Variants in GPC6 observed in about 807,000 individuals in gnomAD.
GPC6 encodes glypican 6, also known as glypican-6.
In GPC6, 14 loss-of-function variants were observed where a neutral mutation model predicts 55.2. The ratio of observed to expected loss-of-function variants is 0.25; its 90% CI spans 0.17 to 0.40. The LOEUF is 0.40. Ranked by LOEUF, GPC6 falls within the 10% of genes least tolerant of loss-of-function variation. The pLI, the probability that GPC6 is intolerant of heterozygous loss-of-function variation, is 1.00. For synonymous variants in GPC6, 278 were observed against 259.6 expected (o/e 1.07, Z -0.68); for missense variants, 641 against 708.5 (o/e 0.90, Z 1.08).
intron 2 of GPC6, among the ~76,000 whole-genome samples, chr13:93,739,345 G>C (rs377379047): frequency 1.8e-4 from 28 of 151,910 alleles, no homozygotes; most frequent in African/African-American, 6.8e-4. Flanking sequence ...CATTTTTCCT[G>C]TATGTATTAA....
chr13:93,574,511 G>C (rs575388977), intron 2 of GPC6, among the ~76,000 whole-genome samples: 1 of 152,178 alleles, frequency 6.6e-6, no homozygotes, highest in African/African-American at 2.4e-5. Flanking sequence ...TGAACTGTGA[G>C]GCAATAAATT....
At chr13:93,655,832 T>C (rs1880638334) in intron 2 of GPC6, among the ~76,000 whole-genome samples, 1 of 152,172 alleles carries the variant, frequency 6.6e-6, no homozygotes, top group African/African-American at 2.4e-5. Context: ...TTGGTTATCG[T>C]TTTACAGCAC....
chr13:93,776,988 T>C (rs899658120), intron 2 of GPC6, among the ~76,000 whole-genome samples: 3 of 152,196 alleles, frequency 2.0e-5, no homozygotes, highest in African/African-American at 7.2e-5. Flanking sequence ...CAGATTTCCT[T>C]ATCCATAGAG....
intron 1 of GPC6, among the ~76,000 whole-genome samples, chr13:93,513,184 C>T (rs1881049263): frequency 6.6e-6 from 1 of 152,286 alleles, no homozygotes; most frequent in Middle Eastern, 3.4e-3. Context: ...GTAAGATGAA[C>T]ACTTTGTGTA....
intron 4 of GPC6, among the ~76,000 whole-genome samples, chr13:94,224,704 A>G (rs2139005502): frequency 6.6e-6 from 1 of 152,232 alleles, no homozygotes; most frequent in Admixed American, 6.5e-5. Flanking sequence ...TTTTTCTGCT[A>G]AAGCTTGGCT....
intron 2 of GPC6, among the ~76,000 whole-genome samples, chr13:93,612,047 G>A (rs1878485937): frequency 6.6e-6 from 1 of 152,064 alleles, no homozygotes; most frequent in Non-Finnish European, 1.5e-5. Flanking sequence ...GCTTAGTAAG[G>A]ATACTAAATA....
chr13:94,339,827 G>A (rs763333955), intron 6 of GPC6, among the ~76,000 whole-genome samples: 10 of 129,004 alleles, frequency 7.8e-5, no homozygotes, highest in Admixed American at 3.8e-4. Context: ...GCAATGGCAC[G>A]ATCTGGGCTT....
intron 1 of GPC6, among the ~76,000 whole-genome samples, chr13:93,434,700 C>G (rs1239717446): frequency 6.6e-6 from 1 of 152,066 alleles, no homozygotes; most frequent in East Asian, 1.9e-4. Flanking sequence ...ATCCCCAAGT[C>G]TGATTTTTAG....
At chr13:93,523,186 CAT>C (rs1881497377) in intron 1 of GPC6, among the ~76,000 whole-genome samples, 2 of 130,978 alleles carry the variant, frequency 1.5e-5, no homozygotes, top group East Asian at 2.3e-4. Flanking sequence ...TACATATACA[CAT>C]ATATGGATAA....
intron 2 of GPC6, among the ~76,000 whole-genome samples, chr13:93,705,323 A>G (rs1177471555): frequency 1.3e-5 from 2 of 151,960 alleles, no homozygotes; most frequent in Admixed American, 6.6e-5. Context: ...CCATAAGAAA[A>G]TAAGAATAGA....
chr13:94,070,345 A>C (rs1884684790), intron 4 of GPC6, among the ~76,000 whole-genome samples: 2 of 152,240 alleles, frequency 1.3e-5, no homozygotes, highest in Admixed American at 6.5e-5. Context: ...TTACAGTTCA[A>C]GATGAGAATT....
intron 4 of GPC6, among the ~76,000 whole-genome samples, chr13:94,243,662 G>A (rs1441969221): frequency 6.6e-6 from 1 of 152,062 alleles, no homozygotes; most frequent in African/African-American, 2.4e-5. Context: ...GCATGATTTT[G>A]TTAGAAAATC....
intron 4 of GPC6, among the ~76,000 whole-genome samples, chr13:94,107,899 C>T (rs1276989943): frequency 6.6e-6 from 1 of 152,000 alleles, no homozygotes; most frequent in Non-Finnish European, 1.5e-5. Flanking sequence ...TAGATGTTGG[C>T]ATGGATGCAG....
chr13:94,231,883 T>G (rs1890740170), intron 4 of GPC6, among the ~76,000 whole-genome samples: 1 of 152,118 alleles, frequency 6.6e-6, no homozygotes, highest in African/African-American at 2.4e-5. Context: ...TTCGTTTTAA[T>G]AAAAATTTTT....
chr13:94,231,876 G>A (rs979339619), intron 4 of GPC6, among the ~76,000 whole-genome samples: 2 of 151,882 alleles, frequency 1.3e-5, no homozygotes, highest in Non-Finnish European at 2.9e-5. Flanking sequence ...CTGAAGCTTC[G>A]TTTTAATAAA....
chr13:93,306,895 C>T (rs936467766), intron 1 of GPC6, among the ~76,000 whole-genome samples: 1 of 152,234 alleles, frequency 6.6e-6, no homozygotes, highest in East Asian at 1.9e-4. Flanking sequence ...TGTCCCCTAG[C>T]AAACTCTCGG....
At chr13:93,826,857 A>T (rs1887277563) in intron 2 of GPC6, among the ~76,000 whole-genome samples, 1 of 152,172 alleles carries the variant, frequency 6.6e-6, no homozygotes, top group Admixed American at 6.5e-5. Flanking sequence ...CACATCACAC[A>T]GACCTTCTTT....
Position 93,491,541 on chromosome 13 carries a change from A to C in GPC6, c.161-53722A>C, listed in dbSNP as rs1416385395. ...TTAGTTTAATTAGATCCCATTTGTCAATTTTGGCTTTTGTTGCCATTGCTT... is the reference window on the plus strand; with the variant it reads ...TTAGTTTAATTAGATCCCATTTGTCCATTTTGGCTTTTGTTGCCATTGCTT... On this transcript the variant is annotated intron_variant, in intron 1 of 8. Coordinates refer to ENST00000377047, the MANE Select transcript of GPC6 (RefSeq NM_005708.5). Among the ~76,000 whole-genome samples, 5 of 124,926 alleles carry C rather than the reference A, an allele frequency of 4.0e-5. No individual in the cohort carries two copies. The East Asian group carries it at 1.2e-3, about 31-fold the overall frequency. The allele number at this position is 124,926 out of a possible 152,430, so 82.0% of individuals were successfully genotyped here.
intron 3 of GPC6, among the ~76,000 whole-genome samples, chr13:93,835,723 A>G (rs1294009506): frequency 6.6e-6 from 1 of 152,144 alleles, no homozygotes; most frequent in Admixed American, 6.5e-5. Flanking sequence ...TTGCACTCCA[A>G]CCTGGCCAAC....
Sources: allele counts gnomAD v4.1 joint callset (sites outside exome capture counted in the v4.1 genomes callset), GRCh38; gene constraint gnomAD v4.1.1; transcripts MANE v1.5; gene names NCBI Gene and HGNC (gene_info 2026-07-23, HGNC 2026-07-21).